The following PRKAA1 variants were observed in gnomAD, a reference collection of about 807,000 sequenced individuals.
PRKAA1 encodes 5'-AMP-activated protein kinase catalytic subunit alpha-1.
Under a neutral mutation model 56.9 loss-of-function variants are expected in PRKAA1, and 23 were observed. That is an observed-to-expected ratio of 0.40 (90% CI 0.29 to 0.57). The LOEUF (loss-of-function observed/expected upper bound fraction) is 0.57, where lower values mean the gene tolerates loss of function less well. PRKAA1 is among the 20% of genes least tolerant of loss of function. The pLI, the probability that PRKAA1 is intolerant of heterozygous loss-of-function variation, is 0.39. For synonymous variants in PRKAA1, 226 were observed against 227.0 expected (o/e 1.00, Z 0.04); for missense variants, 413 against 679.7 (o/e 0.61, Z 4.36).
intron 1 of PRKAA1, among the ~76,000 whole-genome samples, chr5:40,782,834 TA>T (rs1380036156): frequency 6.6e-6 from 1 of 152,128 alleles, no homozygotes; most frequent in Non-Finnish European, 1.5e-5. Context: ...AATCCACCTG[TA>T]AATAACAGAA....
chr5:40,765,881 G>A (rs545896966), intron 6 of PRKAA1, among the ~76,000 whole-genome samples: 10 of 151,480 alleles, frequency 6.6e-5, no homozygotes, highest in South Asian at 2.1e-4. Context: ...CCCTAACTTC[G>A]TATATTTAAG....
intron 1 of PRKAA1, among the ~76,000 whole-genome samples, chr5:40,791,979 C>A (rs746319088): frequency 7.2e-5 from 11 of 152,152 alleles, no homozygotes; most frequent in Non-Finnish European, 1.6e-4. Context: ...TTTATTTTTA[C>A]AAATGTCATT....
rs1484265573 is a variant in PRKAA1 at position 40,759,960 on chromosome 5, T to A, written c.*2818A>T. 6 of 152,776 alleles carry A rather than the reference T, an allele frequency of 3.9e-5. No individual in the cohort carries two copies. Among genetic ancestry groups the A allele is most frequent in the Non-Finnish European group, 8.8e-5 (6 of 68,040 alleles). 9.5% of individuals were successfully genotyped at this position (152,776 alleles called of 1,614,324 possible). A position where few individuals can be genotyped will look rare whatever the true frequency, so the allele number is the denominator to read the frequency against. On this transcript the variant is annotated 3_prime_UTR_variant, in exon 9 of 9. Coordinates refer to ENST00000397128, the MANE Select transcript of PRKAA1 (RefSeq NM_006251.6). ...TTATTTTAATGGCAAAATTTTTACATATCAGTAAAATCTGTTATACTTAAA... is the reference window on the plus strand; with the variant it reads ...TTATTTTAATGGCAAAATTTTTACAAATCAGTAAAATCTGTTATACTTAAA...
chr5:40,783,308 G>A (rs1163450272), intron 1 of PRKAA1, among the ~76,000 whole-genome samples: 1 of 151,902 alleles, frequency 6.6e-6, no homozygotes, highest in Non-Finnish European at 1.5e-5. Flanking sequence ...TATAGAAAAT[G>A]TTCTTACAAA....
chr5:40,767,407 T>TC (rs1414740268), intron 6 of PRKAA1, 59 bp downstream of exon 6: 9 of 1,438,090 alleles, frequency 6.3e-6, no homozygotes, highest in East Asian at 2.3e-5. Context: ...TTTTTTTTTT[T>TC]CACATAACTT....
At chr5:40,767,832 A>G (rs752596334) in intron 5 of PRKAA1, 142 bp from the exon 6 acceptor site, 24 of 696,968 alleles carry the variant, frequency 3.4e-5, no homozygotes, top group Non-Finnish European at 4.9e-5. Context: ...TTACAACGTT[A>G]ATTCCATCAG....
chr5:40,791,980 A>C (rs1331535200), intron 1 of PRKAA1, among the ~76,000 whole-genome samples: 2 of 152,234 alleles, frequency 1.3e-5, no homozygotes, highest in East Asian at 3.8e-4. Context: ...TTATTTTTAC[A>C]AATGTCATTG....
At chr5:40,796,235 G>C (rs1013603804) in intron 1 of PRKAA1, among the ~76,000 whole-genome samples, 3 of 151,922 alleles carry the variant, frequency 2.0e-5, no homozygotes, top group African/African-American at 7.3e-5. Context: ...AGAACTGCTT[G>C]AACCCAGGAA....
intron 1 of PRKAA1, among the ~76,000 whole-genome samples, chr5:40,778,390 T>C (rs1579737208): frequency 6.6e-6 from 1 of 152,208 alleles, no homozygotes; most frequent in Admixed American, 6.5e-5. Flanking sequence ...AGTGATTACA[T>C]AGGAGAATAC....
At chr5:40,790,660 C>T (rs192024361) in intron 1 of PRKAA1, among the ~76,000 whole-genome samples, 43 of 152,196 alleles carry the variant, frequency 2.8e-4, no homozygotes, top group South Asian at 1.0e-3. Flanking sequence ...CTGCCTCAGC[C>T]TCCCGAGTAG....
At chr5:40,779,176 C>G (rs910952488) in intron 1 of PRKAA1, among the ~76,000 whole-genome samples, 1 of 151,456 alleles carries the variant, frequency 6.6e-6, no homozygotes, top group Non-Finnish European at 1.5e-5. Flanking sequence ...TAAATGTTAT[C>G]ACTAGACAGT....
chr5:40,763,619 C>G (rs984853186), intron 8 of PRKAA1, among the ~76,000 whole-genome samples: 1 of 152,144 alleles, frequency 6.6e-6, no homozygotes, highest in African/African-American at 2.4e-5. Context: ...GTTGGGAACA[C>G]AGTACAAAAA....
intron 1 of PRKAA1, among the ~76,000 whole-genome samples, chr5:40,782,898 A>C (rs1744320192): frequency 6.6e-6 from 1 of 152,212 alleles, no homozygotes; most frequent in Non-Finnish European, 1.5e-5. Flanking sequence ...ATCCATAACC[A>C]ATCAAGATAT....
At chr5:40,767,987 T>C (rs138303128) in intron 5 of PRKAA1, among the ~76,000 whole-genome samples, 50 of 152,288 alleles carry the variant, frequency 3.3e-4, no homozygotes, top group Non-Finnish European at 4.7e-4. Flanking sequence ...TTTAAAACCA[T>C]TGGTTTTTGT....
chr5:40,767,024 AAT>A (rs1474189519), intron 6 of PRKAA1, among the ~76,000 whole-genome samples: 3 of 151,950 alleles, frequency 2.0e-5, no homozygotes, highest in African/African-American at 7.3e-5. Flanking sequence ...TCTCAAAAAA[AAT>A]AAATAAATAA....
At chr5:40,786,691 AG>A (rs1200874970) in intron 1 of PRKAA1, among the ~76,000 whole-genome samples, 1 of 150,086 alleles carries the variant, frequency 6.7e-6, no homozygotes, top group Non-Finnish European at 1.5e-5. Flanking sequence ...CTGTAATCCC[AG>A]CACCTTGGGA....
intron 3 of PRKAA1, among the ~76,000 whole-genome samples, chr5:40,772,625 G>A (rs958479258): frequency 6.6e-6 from 1 of 151,058 alleles, no homozygotes; most frequent in Non-Finnish European, 1.5e-5. Context: ...TTTTGGGGGG[G>A]CGGGGTTTTA....
At chr5:40,765,361 T>C in intron 6 of PRKAA1, 123 bp from the exon 7 acceptor site, 3 of 1,179,340 alleles carry the variant, frequency 2.5e-6, no homozygotes, top group Non-Finnish European at 3.4e-6. Flanking sequence ...TTATTGTCAC[T>C]TTTTGCACTG....
At chr5:40,775,380 T>C in intron 3 of PRKAA1, 30 bp downstream of exon 3, 3 of 1,524,446 alleles carry the variant, frequency 2.0e-6, no homozygotes, top group Middle Eastern at 1.7e-4. Flanking sequence ...AGTTACAAAA[T>C]ACATACAGAA....
Sources: allele counts gnomAD v4.1 joint callset (sites outside exome capture counted in the v4.1 genomes callset), GRCh38; gene constraint gnomAD v4.1.1; transcripts MANE v1.5; gene names NCBI Gene and HGNC (gene_info 2026-07-23, HGNC 2026-07-21).